The following HSPD1 variants were observed in gnomAD, a reference collection of about 807,000 sequenced individuals.
HSPD1 encodes heat shock protein family D (Hsp60) member 1.
A neutral mutation model predicts 53.0 loss-of-function variants in HSPD1; 3 were observed. The observed-to-expected ratio is 0.06, with a 90% CI of 0.03 to 0.15. The LOEUF (loss-of-function observed/expected upper bound fraction) is 0.15, where lower values mean the gene tolerates loss of function less well. Among genes scored for constraint, HSPD1 ranks in the 10% least tolerant of loss-of-function variants. The probability of loss-of-function intolerance (pLI) is 1.00; values close to 1 mark genes in which losing one functional copy is unlikely to be tolerated. For synonymous variants in HSPD1, 200 were observed against 228.0 expected (o/e 0.88, Z 1.10); for missense variants, 431 against 694.1 (o/e 0.62, Z 4.26).
chr2:197,495,229 G>GAA (rs879019471), intron 4 of HSPD1, 65 bp downstream of exon 4: 5 of 826,050 alleles, frequency 6.1e-6, no homozygotes, highest in Admixed American at 1.9e-5. Context: ...GTGATCAAGG[G>GAA]AAAAAAAAAA....
intron 8 of HSPD1, among the ~76,000 whole-genome samples, chr2:197,489,691 T>C (rs1468288530): frequency 1.3e-5 from 2 of 152,070 alleles, no homozygotes; most frequent in East Asian, 1.9e-4. Context: ...GACCCGTCAT[T>C]ACTAAAAGTA....
At chr2:197,491,282 G>A (rs1463661478) in intron 7 of HSPD1, among the ~76,000 whole-genome samples, 1 of 151,298 alleles carries the variant, frequency 6.6e-6, no homozygotes, top group Non-Finnish European at 1.5e-5. Flanking sequence ...CCGCCTCCTG[G>A]GTTTACGCCA....
At position 197,486,912 on chromosome 2, in the gene HSPD1, G is replaced by A. The variant is rs932315571; in HGVS notation, c.*134C>T. On this transcript the variant is annotated 3_prime_UTR_variant, in exon 12 of 12. Coordinates refer to ENST00000388968, the MANE Select transcript of HSPD1 (RefSeq NM_002156.5). ...ATTTTGTCAACTGAAACCAGTAACT[G>A]ATGGTTATAGTGATTTTCAGCCAGC... 3.6e-5 allele frequency: 27 copies of A among 758,792 alleles called. No individual in the cohort carries two copies. Among genetic ancestry groups the A allele is most frequent in the Non-Finnish European group, 5.9e-5 (25 of 421,816 alleles). 47.0% of individuals were successfully genotyped at this position (758,792 alleles called of 1,614,324 possible).
chr2:197,488,219 G>C (rs2086050155), intron 10 of HSPD1, 98 bp downstream of exon 10: 2 of 1,120,734 alleles, frequency 1.8e-6, no homozygotes, highest in African/African-American at 3.1e-5. Context: ...CTGTTATTCA[G>C]GAAATGAATG....
intron 8 of HSPD1, among the ~76,000 whole-genome samples, chr2:197,489,887 T>C (rs1396742623): frequency 2.0e-5 from 3 of 149,144 alleles, no homozygotes; most frequent in Non-Finnish European, 4.5e-5. Context: ...CAGATTTAAG[T>C]CAATAAGAAT....
chr2:197,493,230 G>T, intron 7 of HSPD1, 94 bp downstream of exon 7: 1 of 1,027,340 alleles, frequency 9.7e-7, no homozygotes, highest in Non-Finnish European at 1.5e-6. Flanking sequence ...TGGATCAAAT[G>T]TGGAGGTACA....
rs13165 is a variant in HSPD1, at chr2:197,499,794, G to A, written c.-15C>T. On this transcript the variant is annotated 5_prime_UTR_variant, in exon 1 of 12. Transcript: ENST00000388968. ...GAAGGCCGCGTACCTGCGGGGCGGC[G>A]GCAAGGCGTGCGCTCGGCGAGACAG... The A allele has an allele frequency of 0.23, 35,665 of 152,230 alleles. 4,576 individuals carry two copies. The highest frequency in any genetic ancestry group is 0.34 in the African/African-American group (14,057 of 41,500). 9.4% of individuals were successfully genotyped at this position (152,230 alleles called of 1,614,324 possible). A position where few individuals can be genotyped will look rare whatever the true frequency, so the allele number is the denominator to read the frequency against.
intron 9 of HSPD1, 60 bp downstream of exon 9, chr2:197,488,942 G>A (rs2086058561): frequency 5.1e-6 from 8 of 1,579,406 alleles, no homozygotes; most frequent in Non-Finnish European, 5.2e-6. Context: ...GAATACTACA[G>A]AAGCAAAATC....
intron 8 of HSPD1, 56 bp from the exon 9 acceptor site, chr2:197,489,303 C>G: frequency 6.4e-7 from 1 of 1,567,808 alleles, no homozygotes; most frequent in Non-Finnish European, 8.8e-7. Context: ...GCCATTATAC[C>G]AAGTTTATTA....
chr2:197,493,837 A>G (rs1020654939), intron 6 of HSPD1, among the ~76,000 whole-genome samples: 1 of 152,216 alleles, frequency 6.6e-6, no homozygotes, highest in African/African-American at 2.4e-5. Flanking sequence ...ACAGAGCCTC[A>G]TACCTATAAT....
At chr2:197,492,640 C>G (rs1296389014) in intron 7 of HSPD1, among the ~76,000 whole-genome samples, 2 of 151,396 alleles carry the variant, frequency 1.3e-5, no homozygotes, top group African/African-American at 2.5e-5. Flanking sequence ...GAGGCTTGAG[C>G]TGAGATTGAG....
At chr2:197,496,267 C>T (rs2086155938) in intron 3 of HSPD1, among the ~76,000 whole-genome samples, 1 of 152,090 alleles carries the variant, frequency 6.6e-6, no homozygotes, top group Non-Finnish European at 1.5e-5. Flanking sequence ...AAAAAAAATC[C>T]AATGCAAGGT....
At chr2:197,498,960 G>A in intron 1 of HSPD1, 110 bp from the exon 2 acceptor site, 1 of 961,068 alleles carries the variant, frequency 1.0e-6, no homozygotes, top group Non-Finnish European at 1.6e-6. Flanking sequence ...GAGCCTGGCT[G>A]ACCTCCGCCA....
chr2:197,500,190 CA>C, upstream of HSPD1: 1 of 588,092 alleles, frequency 1.7e-6, no homozygotes, highest in Non-Finnish European at 3.1e-6. Context: ...AGCCTAGAAA[CA>C]GCTCCTTTTT....
chr2:197,495,007 C>G, intron 4 of HSPD1: 1 of 594,934 alleles, frequency 1.7e-6, no homozygotes, highest in South Asian at 2.1e-5. Flanking sequence ...GACTTCATTA[C>G]AAACTGACAA....
chr2:197,490,367 G>T, intron 7 of HSPD1, 71 bp from the exon 8 acceptor site: 1 of 1,189,926 alleles, frequency 8.4e-7, no homozygotes, highest in Non-Finnish European at 1.3e-6. Context: ...CCCTCAAGCT[G>T]TTACTAGATT....
At chr2:197,495,887 T>A (rs1362329111) in intron 3 of HSPD1, among the ~76,000 whole-genome samples, 2 of 152,168 alleles carry the variant, frequency 1.3e-5, no homozygotes, top group African/African-American at 4.8e-5. Context: ...AATGCCAAAA[T>A]TTTGAAAATA....
At chr2:197,493,731 A>C (rs1002355413) in intron 6 of HSPD1, among the ~76,000 whole-genome samples, 1 of 152,224 alleles carries the variant, frequency 6.6e-6, no homozygotes, top group African/African-American at 2.4e-5. Flanking sequence ...TCAGGAGGCC[A>C]AAGCAGGCAG....
At position 197,487,117 on chromosome 2, in the gene HSPD1, T is replaced by C. The variant is rs2086036147; in HGVS notation, c.1651A>G (p.Lys551Glu). Residue 551 changes from lysine (K) to glutamate (E), a missense_variant, in exon 12 of 12, where the codon AAA becomes GAA. Physicochemically the swap from Lys to Glu is moderately conservative, Grantham distance 56. Transcript: ENST00000388968. ...TAEVVVTEIP[K>E]EEKDPGMGAM... The stretch of plus-strand genomic sequence containing the variant: ...CCCATTCCAGGGTCCTTCTCTTCTT[T>C]AGGAATTTCTGTGACTACAACTTCT... 5 of 1,582,162 alleles carry C rather than the reference T, an allele frequency of 3.2e-6. No homozygotes were observed. Among genetic ancestry groups the C allele is most frequent in the South Asian group, 1.1e-5 (1 of 90,318 alleles).
Sources: allele counts gnomAD v4.1 joint callset (sites outside exome capture counted in the v4.1 genomes callset), GRCh38; gene constraint gnomAD v4.1.1; transcripts MANE v1.5; gene names NCBI Gene and HGNC (gene_info 2026-07-23, HGNC 2026-07-21).